ANP32B: variants seen among roughly 807,000 people sequenced by gnomAD.
ANP32B encodes acidic leucine-rich nuclear phosphoprotein 32 family member B.
ANP32B carries 6 observed loss-of-function variants against 32.2 expected under a neutral mutation model. That is an observed-to-expected ratio of 0.19 (90% CI 0.10 to 0.37). The LOEUF (loss-of-function observed/expected upper bound fraction) is 0.37. Ranked by LOEUF, ANP32B falls within the 10% of genes least tolerant of loss-of-function variation. The pLI is 1.00. For synonymous variants in ANP32B, 98 were observed against 105.8 expected (o/e 0.93, Z 0.45); for missense variants, 204 against 289.2 (o/e 0.71, Z 2.14).
intron 3 of ANP32B, among the ~76,000 whole-genome samples, chr9:98,000,469 C>A (rs1827971635): frequency 6.6e-6 from 1 of 152,194 alleles, no homozygotes; most frequent in African/African-American, 2.4e-5. Flanking sequence ...TTTAAGCCGA[C>A]ATTTACTGAC....
At chr9:98,002,140 G>A (rs1339712614) in intron 3 of ANP32B, 1 of 152,222 alleles carries the variant, frequency 6.6e-6, no homozygotes, top group Non-Finnish European at 1.5e-5. Context: ...GGTCCATTTT[G>A]ACTTCTGGCA....
At chr9:97,998,287 A>C (rs1827935900) in intron 2 of ANP32B, among the ~76,000 whole-genome samples, 1 of 152,200 alleles carries the variant, frequency 6.6e-6, no homozygotes, top group Non-Finnish European at 1.5e-5. Context: ...CCACTTTTTA[A>C]GTTAGAAAAT....
intron 1 of ANP32B, among the ~76,000 whole-genome samples, chr9:97,985,269 G>C (rs1399793716): frequency 6.6e-6 from 1 of 152,284 alleles, no homozygotes; most frequent in East Asian, 1.9e-4. Flanking sequence ...GGGTTTACCT[G>C]GTGTGCTCGA....
At chr9:97,990,097 C>G (rs1232979784) in intron 1 of ANP32B, among the ~76,000 whole-genome samples, 1 of 152,206 alleles carries the variant, frequency 6.6e-6, no homozygotes, top group Non-Finnish European at 1.5e-5. Context: ...CTCATTTGTT[C>G]TGAAAATACC....
chr9:97,983,450 C>A lies in ANP32B; in HGVS notation c.-106C>A, dbSNP rs943455416. 2 of 1,081,962 alleles carry A rather than the reference C, an allele frequency of 1.8e-6. No homozygotes were observed. Among genetic ancestry groups the A allele is most frequent in the Admixed American group, 2.2e-5 (1 of 46,108 alleles). 67.0% of individuals were successfully genotyped at this position (1,081,962 alleles called of 1,614,324 possible). A position where few individuals can be genotyped will look rare whatever the true frequency, so the allele number is the denominator to read the frequency against. On this transcript the variant is annotated 5_prime_UTR_variant, in exon 1 of 7. Coordinates refer to ENST00000339399, the MANE Select transcript of ANP32B (RefSeq NM_006401.3). ...CCAGGACCGCGCCGCCGGCCTCCGCCGCTAGCAAACCCTTCCGACGGCCCT... is the reference window on the plus strand; with the variant it reads ...CCAGGACCGCGCCGCCGGCCTCCGCAGCTAGCAAACCCTTCCGACGGCCCT...
intron 4 of ANP32B, among the ~76,000 whole-genome samples, chr9:98,011,038 A>C (rs1828174622): frequency 6.6e-6 from 1 of 152,116 alleles, no homozygotes; most frequent in South Asian, 2.1e-4. Context: ...CCATTGTATC[A>C]TTTCATCAGC....
At chr9:98,004,420 T>G (rs1011094590) in intron 3 of ANP32B, among the ~76,000 whole-genome samples, 6 of 152,216 alleles carry the variant, frequency 3.9e-5, no homozygotes, top group African/African-American at 1.4e-4. Flanking sequence ...GACTCCTGTC[T>G]TCCCTGAAAG....
chr9:97,988,338 C>G (rs1827771395), intron 1 of ANP32B, among the ~76,000 whole-genome samples: 1 of 151,964 alleles, frequency 6.6e-6, no homozygotes, highest in African/African-American at 2.4e-5. Context: ...CAGAATGGTT[C>G]CCGTCTTTAA....
At chr9:98,013,141 GCCT>G (rs1463438689) in intron 6 of ANP32B, among the ~76,000 whole-genome samples, 6 of 152,212 alleles carry the variant, frequency 3.9e-5, no homozygotes, top group Admixed American at 6.5e-5. Context: ...CTCTGCCTCA[GCCT>G]CCTCAGTAGC....
At chr9:98,005,304 T>C in intron 4 of ANP32B, 151 bp downstream of exon 4, 1 of 623,488 alleles carries the variant, frequency 1.6e-6, no homozygotes, top group East Asian at 3.1e-5. Flanking sequence ...GCCCAGGAGT[T>C]TGAGACTAGC....
In ANP32B at chr9:98,015,418, G is replaced by A; in HGVS notation, c.743G>A (p.Gly248Glu). 6.5e-7 allele frequency: 1 copy of A among 1,549,880 alleles called. No individual in the cohort carries two copies. The highest frequency in any genetic ancestry group is 1.2e-5 in the South Asian group (1 of 83,974). ...EKRKRETDDE[G>E]EDD is the part of the protein sequence containing the mutation. ...AGGAAGAGAGAAACAGATGATGAAG[G>A]AGAAGATGATTAAGACCCCAGATGA... Residue 248 changes from glycine (G) to glutamate (E), a missense_variant, in exon 7 of 7, where the codon GGA becomes GAA. By Grantham distance (98) the Gly-to-Glu change is moderately conservative. Transcript: ENST00000339399.
chr9:98,001,253 G>A (rs1314955202), intron 3 of ANP32B, among the ~76,000 whole-genome samples: 1 of 149,178 alleles, frequency 6.7e-6, no homozygotes, highest in South Asian at 2.1e-4. Flanking sequence ...GTGCAGTGGC[G>A]CCATCTCGGC....
In ANP32B at chr9:98,005,062, T is replaced by G; in HGVS notation, c.426T>G (p.Leu142=). 4.3e-6 allele frequency: 7 copies of G among 1,613,834 alleles called. No homozygotes were observed. In the South Asian group the frequency reaches 7.7e-5, roughly 18 times the overall value. The part of the protein sequence containing the change: ...RESVFKLLPQ[L]TYLDGYDRED... Reference sequence around the variant, plus strand: ...GTGTCTTCAAGCTCCTGCCCCAGCTTACCTACTTGGATGGCTATGACCGAG... The same window carrying G: ...GTGTCTTCAAGCTCCTGCCCCAGCTGACCTACTTGGATGGCTATGACCGAG... Residue 142 remains leucine, a synonymous_variant, in exon 4 of 7, where the codon CTT becomes CTG. Transcript: ENST00000339399.
chr9:97,992,547 T>A (rs1457269356), intron 1 of ANP32B, among the ~76,000 whole-genome samples: 1 of 152,232 alleles, frequency 6.6e-6, no homozygotes, highest in Non-Finnish European at 1.5e-5. Flanking sequence ...TTAATTCTTC[T>A]TCACTTCACT....
chr9:98,002,497 A>G (rs1828009873), intron 3 of ANP32B: 1 of 152,200 alleles, frequency 6.6e-6, no homozygotes, highest in South Asian at 2.1e-4. Context: ...ATCAGTATTT[A>G]CACATTACAT....
intron 6 of ANP32B, 95 bp from the exon 7 acceptor site, chr9:98,015,269 A>G (rs1356899375): frequency 1.1e-5 from 17 of 1,509,398 alleles, no homozygotes; most frequent in African/African-American, 7.0e-5. Flanking sequence ...TTTATCTCCT[A>G]ACTGTCAAAA....
intron 1 of ANP32B, among the ~76,000 whole-genome samples, chr9:97,993,108 G>T (rs1398782055): frequency 1.3e-5 from 2 of 152,178 alleles, no homozygotes; most frequent in Non-Finnish European, 2.9e-5. Context: ...GATACCTAAA[G>T]AAAAGTGGAA....
rs1410521178 is a variant in ANP32B, at chr9:97,983,432, C to G, written c.-124C>G. 4 of 868,466 alleles carry G rather than the reference C, an allele frequency of 4.6e-6. No homozygotes were observed. Among genetic ancestry groups the G allele is most frequent in the Admixed American group, 2.3e-5 (1 of 44,384 alleles). 53.8% of individuals were successfully genotyped at this position (868,466 alleles called of 1,614,324 possible). ...CCGCACGCCGCCCGCCACCCAGGACCGCGCCGCCGGCCTCCGCCGCTAGCA... is the reference window on the plus strand; with the variant it reads ...CCGCACGCCGCCCGCCACCCAGGACGGCGCCGCCGGCCTCCGCCGCTAGCA... On this transcript the variant is annotated 5_prime_UTR_variant, in exon 1 of 7. Transcript: ENST00000339399.
Position 97,983,425 on chromosome 9 carries a change from C to T in ANP32B, c.-131C>T, listed in dbSNP as rs1366337742. On this transcript the variant is annotated 5_prime_UTR_variant, in exon 1 of 7. Coordinates refer to ENST00000339399, the MANE Select transcript of ANP32B (RefSeq NM_006401.3). ...CGCCTGCCCGCACGCCGCCCGCCAC[C>T]CAGGACCGCGCCGCCGGCCTCCGCC... 3.7e-6 allele frequency: 3 copies of T among 806,116 alleles called. No homozygotes were observed. The highest frequency in any genetic ancestry group is 4.0e-6 in the Non-Finnish European group (2 of 500,806). 49.9% of individuals were successfully genotyped at this position (806,116 alleles called of 1,614,324 possible).
Sources: gnomAD v4.1 joint callset for allele counts (sites outside exome capture counted in the v4.1 genomes callset) on GRCh38, gnomAD v4.1.1 for gene constraint, MANE v1.5 for transcripts, NCBI Gene and HGNC (gene_info 2026-07-23, HGNC 2026-07-21) for gene names.